RNF152: variants seen among roughly 807,000 people sequenced by gnomAD.
RNF152 encodes E3 ubiquitin-protein ligase RNF152.
RNF152 carries 11 observed loss-of-function variants against 12.7 expected under a neutral mutation model. That is an observed-to-expected ratio of 0.86 (90% CI 0.54 to 1.43). RNF152 has a LOEUF of 1.43. Ranked by LOEUF, RNF152 falls within the 40% of genes most tolerant of loss-of-function variation. The probability of loss-of-function intolerance (pLI) is 0.00; values close to 1 mark genes in which losing one functional copy is unlikely to be tolerated. For synonymous variants in RNF152, 113 were observed against 120.3 expected, an observed-to-expected ratio of 0.94 and a Z score of 0.40; for missense variants, 255 against 274.8, an observed-to-expected ratio of 0.93 and a Z score of 0.51.
intron 1 of RNF152, among the ~76,000 whole-genome samples, chr18:61,892,150 T>G (rs1912988321): frequency 6.6e-6 from 1 of 152,160 alleles, no homozygotes; most frequent in African/African-American, 2.4e-5. Context: ...AACCTAAAGA[T>G]AAAATCCAGA....
chr18:61,816,677 C>A (rs985244176), intron 1 of RNF152, 79 bp from the exon 2 acceptor site: 10 of 530,666 alleles, frequency 1.9e-5, no homozygotes, highest in Non-Finnish European at 2.6e-5. Context: ...GGATTTATAC[C>A]ATTGCTCAAA....
intron 1 of RNF152, among the ~76,000 whole-genome samples, chr18:61,844,138 G>GAAAGAAAT (rs1401596683): frequency 1.0e-4 from 13 of 127,992 alleles, no homozygotes; most frequent in African/African-American, 2.9e-4. Flanking sequence ...AAGAAAGAAA[G>GAAAGAAAT]AAATTAAGAG....
chr18:61,829,588 G>C (rs1454713586), intron 1 of RNF152, among the ~76,000 whole-genome samples: 1 of 122,114 alleles, frequency 8.2e-6, no homozygotes, highest in Admixed American at 8.3e-5. Flanking sequence ...GAGAGAGAGA[G>C]AGAGATAAGG....
intron 1 of RNF152, among the ~76,000 whole-genome samples, chr18:61,870,405 G>T (rs1348460884): frequency 6.6e-6 from 1 of 152,100 alleles, no homozygotes; most frequent in African/African-American, 2.4e-5. Flanking sequence ...TCTTACTCTG[G>T]GCTGTCCCCT....
chr18:61,857,337 T>C (rs1386161275), intron 1 of RNF152, among the ~76,000 whole-genome samples: 1 of 152,208 alleles, frequency 6.6e-6, no homozygotes, highest in Non-Finnish European at 1.5e-5. Context: ...CCACACACTA[T>C]GTCCACATGA....
intron 1 of RNF152, among the ~76,000 whole-genome samples, chr18:61,841,253 G>A (rs1312038800): frequency 6.6e-6 from 1 of 152,094 alleles, no homozygotes; most frequent in Non-Finnish European, 1.5e-5. Context: ...TAAAATTCTG[G>A]ACATTAGAAA....
intron 1 of RNF152, among the ~76,000 whole-genome samples, chr18:61,832,032 A>T (rs1383357401): frequency 6.6e-6 from 1 of 152,226 alleles, no homozygotes; most frequent in Non-Finnish European, 1.5e-5. Context: ...CACAGTTCCT[A>T]AGCCTTGAAC....
At position 61,813,352 on chromosome 18, in the gene RNF152, A is replaced by G. The variant is rs1281074541; in HGVS notation, c.*2500T>C. On this transcript the variant is annotated 3_prime_UTR_variant, in exon 2 of 2. Coordinates refer to ENST00000312828, the MANE Select transcript of RNF152 (RefSeq NM_173557.3). ...TGCACACCCCAACAAACAGGTACACAAATAACTGCAAGCAGATCCATTTAA... is the reference window on the plus strand; with the variant it reads ...TGCACACCCCAACAAACAGGTACACGAATAACTGCAAGCAGATCCATTTAA... 1 of 152,088 alleles carries G rather than the reference A, an allele frequency of 6.6e-6. No homozygotes were observed. Among genetic ancestry groups the G allele is most frequent in the Admixed American group, 6.6e-5 (1 of 15,250 alleles). The allele number at this position is 152,088 out of a possible 1,614,324, so 9.4% of individuals were successfully genotyped here.
chr18:61,841,819 T>A lies in RNF152; in HGVS notation c.-135-25221A>T, dbSNP rs546208256. ...CTAATCCTGCTTTCAGTGGCAAGGCTGTAGAACATGGGTCAATACATTCTT... is the reference window on the plus strand; with the variant it reads ...CTAATCCTGCTTTCAGTGGCAAGGCAGTAGAACATGGGTCAATACATTCTT... On this transcript the variant is annotated intron_variant, in intron 1 of 1. Coordinates refer to ENST00000312828, the MANE Select transcript of RNF152 (RefSeq NM_173557.3). 2.0e-5 allele frequency among the ~76,000 whole-genome samples: 3 copies of A among 152,324 alleles called. No individual in the cohort carries two copies. In the East Asian group the frequency reaches 5.8e-4, roughly 29 times the overall value.
chr18:61,832,517 T>C (rs1168257488), intron 1 of RNF152, among the ~76,000 whole-genome samples: 5 of 152,188 alleles, frequency 3.3e-5, no homozygotes, highest in African/African-American at 1.2e-4. Context: ...ATTAAGCCTG[T>C]TTAATCCACA....
chr18:61,859,640 A>G (rs1249616877), intron 1 of RNF152, among the ~76,000 whole-genome samples: 4 of 152,186 alleles, frequency 2.6e-5, no homozygotes. Flanking sequence ...GCAGTTTGGG[A>G]GGCCGAGGCG....
At chr18:61,839,691 C>A (rs559532184) in intron 1 of RNF152, among the ~76,000 whole-genome samples, 4 of 152,034 alleles carry the variant, frequency 2.6e-5, no homozygotes, top group South Asian at 4.2e-4. Context: ...GTCGGGAGAT[C>A]GAGATCATCC....
intron 1 of RNF152, among the ~76,000 whole-genome samples, chr18:61,819,841 C>T (rs1054708951): frequency 2.7e-5 from 4 of 150,648 alleles, no homozygotes; most frequent in Non-Finnish European, 4.4e-5. Flanking sequence ...GTCAACATAA[C>T]GAGACTCTGT....
chr18:61,818,673 GCA>G (rs1212566857), intron 1 of RNF152, among the ~76,000 whole-genome samples: 1 of 152,116 alleles, frequency 6.6e-6, no homozygotes, highest in Non-Finnish European at 1.5e-5. Flanking sequence ...TATGCACAAA[GCA>G]CAAAGCTAAA....
chr18:61,839,088 C>T (rs898162108), intron 1 of RNF152, among the ~76,000 whole-genome samples: 3 of 151,998 alleles, frequency 2.0e-5, no homozygotes, highest in Non-Finnish European at 4.4e-5. Context: ...ATAACTTTCC[C>T]TCCTTGAATG....
At chr18:61,879,404 C>A (rs1368891611) in intron 1 of RNF152, among the ~76,000 whole-genome samples, 1 of 152,092 alleles carries the variant, frequency 6.6e-6, no homozygotes, top group Non-Finnish European at 1.5e-5. Context: ...ATATCAGGGA[C>A]TTGAGCATGC....
chr18:61,844,170 G>A (rs73002584), intron 1 of RNF152, among the ~76,000 whole-genome samples: 2,237 of 68,340 alleles, frequency 0.033, 77 homozygotes, highest in African/African-American at 0.073. Flanking sequence ...AGGGAGGAAG[G>A]GAGGAAGAGA....
intron 1 of RNF152, among the ~76,000 whole-genome samples, chr18:61,835,899 A>G (rs996315331): frequency 1.3e-5 from 2 of 152,252 alleles, no homozygotes; most frequent in African/African-American, 4.8e-5. Flanking sequence ...ATATTGTCAG[A>G]AAACAAGGCC....
intron 1 of RNF152, among the ~76,000 whole-genome samples, chr18:61,877,090 AAC>A (rs1912246605): frequency 6.6e-6 from 1 of 152,222 alleles, no homozygotes; most frequent in Admixed American, 6.5e-5. Flanking sequence ...CACTGAACCA[AAC>A]ACAAAGCTTC....
Sources: gnomAD v4.1 joint callset for allele counts (sites outside exome capture counted in the v4.1 genomes callset) on GRCh38, gnomAD v4.1.1 for gene constraint, MANE v1.5 for transcripts, NCBI Gene and HGNC (gene_info 2026-07-23, HGNC 2026-07-21) for gene names.